ALDH3A2: variants seen among roughly 807,000 people sequenced by gnomAD.
ALDH3A2 encodes aldehyde dehydrogenase family 3 member A2.
In ALDH3A2, 36 loss-of-function variants were observed where a neutral mutation model predicts 51.3. The ratio of observed to expected loss-of-function variants is 0.70; its 90% CI spans 0.54 to 0.93. The LOEUF (loss-of-function observed/expected upper bound fraction) is 0.93. ALDH3A2 is among the 40% of genes least tolerant of loss of function. The pLI is 0.00. For synonymous variants in ALDH3A2, 199 were observed against 219.8 expected (o/e 0.91, Z 0.84); for missense variants, 552 against 603.1 (o/e 0.92, Z 0.89).
chr17:19,656,281 T>C, intron 3 of ALDH3A2, 85 bp from the exon 4 acceptor site: 2 of 1,221,004 alleles, frequency 1.6e-6, no homozygotes, highest in Non-Finnish European at 2.4e-6. Context: ...TACTGAATGT[T>C]ACATGTTTAT....
chr17:19,659,899 CTA>C (rs2084945703), intron 5 of ALDH3A2, among the ~76,000 whole-genome samples: 1 of 151,156 alleles, frequency 6.6e-6, no homozygotes, highest in African/African-American at 2.4e-5. Flanking sequence ...CAATAGTTCA[CTA>C]TGTGTTCCAG....
chr17:19,654,601 C>T lies in ALDH3A2; in HGVS notation c.472-1765C>T, dbSNP rs1258919269. Among the ~76,000 whole-genome samples the T allele has an allele frequency of 6.6e-6, 1 of 152,184 alleles. No homozygotes were observed. The highest frequency in any genetic ancestry group is 1.5e-5 in the Non-Finnish European group (1 of 68,014). ...GCCCAGGGCTGGCGGCGCCGGCCAG[C>T]TGCTCCGAGTGTGGGGCCCATTGAG... On this transcript the variant is annotated intron_variant, in intron 3 of 9. Coordinates refer to ENST00000176643, the MANE Select transcript of ALDH3A2 (RefSeq NM_000382.3). The surrounding 1 kb of genome is among the most constrained non-coding windows in gnomAD (Gnocchi z 4.5).
At chr17:19,673,392 T>C in intron 9 of ALDH3A2, 1 of 1,341,718 alleles carries the variant, frequency 7.5e-7, no homozygotes, top group African/African-American at 1.5e-5. Flanking sequence ...TTTTGTTTTT[T>C]TTTTGCTACA....
In ALDH3A2 at chr17:19,676,790, A is replaced by T. The variant is rs2085196804; in HGVS notation, c.*1218A>T. On this transcript the variant is annotated 3_prime_UTR_variant, in exon 10 of 10. Coordinates refer to ENST00000176643, the MANE Select transcript of ALDH3A2 (RefSeq NM_000382.3). ...ATTTCTGTAGTGCAAGTAAAATTTCACTTTTTGAAACTATAGAGAGATCCC... is the reference window on the plus strand; with the variant it reads ...ATTTCTGTAGTGCAAGTAAAATTTCTCTTTTTGAAACTATAGAGAGATCCC... 2.0e-5 allele frequency: 3 copies of T among 152,220 alleles called. No individual in the cohort carries two copies. The highest frequency in any genetic ancestry group is 1.3e-4 in the Admixed American group (2 of 15,276). 9.4% of individuals were successfully genotyped at this position (152,220 alleles called of 1,614,324 possible).
rs903648611 is a variant in ALDH3A2 at position 19,654,717 on chromosome 17, G to A, written c.472-1649G>A. On this transcript the variant is annotated intron_variant, in intron 3 of 9. Coordinates refer to ENST00000176643, the MANE Select transcript of ALDH3A2 (RefSeq NM_000382.3). This position sits in a 1 kb window ranked among gnomAD's most constrained non-coding sequence, Gnocchi z 4.5. Reference sequence around the variant, plus strand: ...CCTCTCCCTCCACACCTTCCCACAAGCAGAAGGAGCCGGCTCCAGCCTTGG... The same window carrying A: ...CCTCTCCCTCCACACCTTCCCACAAACAGAAGGAGCCGGCTCCAGCCTTGG... Among the ~76,000 whole-genome samples the A allele has an allele frequency of 7.2e-5, 11 of 151,958 alleles. 1 individual carries two copies. Among genetic ancestry groups the A allele is most frequent in the Admixed American group, 5.9e-4 (9 of 15,270 alleles).
intron 6 of ALDH3A2, chr17:19,661,947 G>C (rs995964052): frequency 6.6e-6 from 1 of 151,226 alleles, no homozygotes; most frequent in Admixed American, 6.6e-5. Flanking sequence ...TAGCAGTCCC[G>C]AGGTTCTCCT....
At chr17:19,668,207 T>C (rs1344264500) in intron 8 of ALDH3A2, among the ~76,000 whole-genome samples, 3 of 152,138 alleles carry the variant, frequency 2.0e-5, no homozygotes, top group Non-Finnish European at 2.9e-5. Context: ...TACATATCCC[T>C]TTCCAGATTT....
At position 19,673,339 on chromosome 17, in the gene ALDH3A2, T is replaced by G; in HGVS notation, c.1443+1383T>G. The G allele has an allele frequency of 5.3e-6, 8 of 1,514,974 alleles. 1 individual carries two copies. In the South Asian group the frequency reaches 8.6e-5, roughly 16 times the overall value. The allele number at this position is 1,514,974 out of a possible 1,614,324, so 93.8% of individuals were successfully genotyped here. A position where few individuals can be genotyped will look rare whatever the true frequency, so the allele number is the denominator to read the frequency against. The stretch of plus-strand genomic sequence containing the variant: ...CCAAGTTGGGGTATGTTTTCAAGGG[T>G]TTTTTGGTTTGTTTTTGTTTTTGTT... On this transcript the variant is annotated intron_variant, in intron 9 of 9. Coordinates refer to ENST00000176643, the MANE Select transcript of ALDH3A2 (RefSeq NM_000382.3).
At chr17:19,661,007 G>T (rs756164909) in intron 5 of ALDH3A2, 120 bp from the exon 6 acceptor site, 434 of 959,700 alleles carry the variant, frequency 4.5e-4, no homozygotes, top group Non-Finnish European at 6.7e-4. Context: ...GAGGGGTGGG[G>T]TGTTAGATTC....
intron 4 of ALDH3A2, 73 bp from the exon 5 acceptor site, chr17:19,657,672 C>T: frequency 1.7e-6 from 2 of 1,162,782 alleles, no homozygotes; most frequent in Non-Finnish European, 2.6e-6. Context: ...GACATTCAAA[C>T]AACACAATGT....
intron 9 of ALDH3A2, among the ~76,000 whole-genome samples, chr17:19,672,917 T>C (rs569940230): frequency 6.6e-6 from 1 of 152,200 alleles, no homozygotes; most frequent in African/African-American, 2.4e-5. Flanking sequence ...GGCACGCACC[T>C]GTAGTCCCAG....
At chr17:19,653,113 C>T (rs1272046647) in intron 3 of ALDH3A2, among the ~76,000 whole-genome samples, 4 of 148,696 alleles carry the variant, frequency 2.7e-5, no homozygotes, top group African/African-American at 5.0e-5. Flanking sequence ...GGTGTGATCT[C>T]GGCTCACTGC....
chr17:19,662,279 G>A (rs2084976171), intron 6 of ALDH3A2, among the ~76,000 whole-genome samples: 1 of 152,180 alleles, frequency 6.6e-6, no homozygotes, highest in South Asian at 2.1e-4. Flanking sequence ...TGGCTATGCA[G>A]AGGAAGTAGA....
At chr17:19,673,364 TTTTG>T (rs2044869923) in intron 9 of ALDH3A2, 1 of 1,446,024 alleles carries the variant, frequency 6.9e-7, no homozygotes, top group Non-Finnish European at 9.2e-7. Context: ...TTGTTTTTGT[TTTTG>T]TTTTTGTTTT....
chr17:19,663,571 C>T lies in ALDH3A2; in HGVS notation c.1107+72C>T, dbSNP rs1427463185. 6 of 1,528,384 alleles carry T rather than the reference C, an allele frequency of 3.9e-6. No homozygotes were observed. In the African/African-American group the frequency reaches 6.9e-5, roughly 18 times the overall value. 94.7% of individuals were successfully genotyped at this position (1,528,384 alleles called of 1,614,324 possible). A position where few individuals can be genotyped will look rare whatever the true frequency, so the allele number is the denominator to read the frequency against. On this transcript the variant is annotated intron_variant, in intron 7 of 9. Coordinates refer to ENST00000176643, the MANE Select transcript of ALDH3A2 (RefSeq NM_000382.3). ...GTCATGTTCCTTCTTTGCTGTAAAA[C>T]AATGCAAAAAACAATGTGAAACAAT...
intron 5 of ALDH3A2, among the ~76,000 whole-genome samples, chr17:19,660,294 C>A (rs546395874): frequency 6.6e-6 from 1 of 152,216 alleles, no homozygotes; most frequent in African/African-American, 2.4e-5. Flanking sequence ...ATGATGCATT[C>A]AGCATTGAAA....
At chr17:19,663,621 G>C in intron 7 of ALDH3A2, 122 bp downstream of exon 7, 1 of 1,202,676 alleles carries the variant, frequency 8.3e-7, no homozygotes, top group Non-Finnish European at 1.2e-6. Context: ...TGTCATGTCA[G>C]AGTCCATCCA....
chr17:19,650,641 GACGGGGTTTC>G (rs1567596490), intron 1 of ALDH3A2, among the ~76,000 whole-genome samples: 3 of 151,848 alleles, frequency 2.0e-5, no homozygotes, highest in African/African-American at 7.3e-5. Flanking sequence ...TTTTAGTAGA[GACGGGGTTTC>G]ACTGTGTTAG....
chr17:19,663,034 TTAAG>T (rs1265644647), intron 6 of ALDH3A2, among the ~76,000 whole-genome samples: 1 of 152,116 alleles, frequency 6.6e-6, no homozygotes, highest in East Asian at 1.9e-4. Flanking sequence ...CAGAAAAATG[TTAAG>T]TATAATCTAC....
Sources: gnomAD v4.1 joint callset for allele counts (sites outside exome capture counted in the v4.1 genomes callset) on GRCh38, gnomAD v4.1.1 for gene constraint, Gnocchi (gnomAD v3.1) non-coding constraint, MANE v1.5 for transcripts, NCBI Gene and HGNC (gene_info 2026-07-23, HGNC 2026-07-21) for gene names.